Variants in DACH1 observed in about 807,000 individuals in gnomAD.
DACH1 encodes dachshund family transcription factor 1, also known as dachshund homolog 1.
A neutral mutation model predicts 54.2 loss-of-function variants in DACH1; 12 were observed. The observed-to-expected ratio is 0.22, with a 90% CI of 0.14 to 0.36. The LOEUF (loss-of-function observed/expected upper bound fraction) is 0.36, where lower values mean the gene tolerates loss of function less well. Among genes scored for constraint, DACH1 ranks in the 10% least tolerant of loss-of-function variants. The pLI is 1.00. For synonymous variants in DACH1, 386 were observed against 366.2 expected (o/e 1.05, Z -0.62); for missense variants, 805 against 929.8 (o/e 0.87, Z 1.75).
intron 1 of DACH1, among the ~76,000 whole-genome samples, chr13:71,720,021 T>C (rs1202651836): frequency 6.6e-6 from 1 of 152,182 alleles, no homozygotes; most frequent in Non-Finnish European, 1.5e-5. Flanking sequence ...AGACAACACA[T>C]AAATAGATGA....
At chr13:71,567,667 G>A (rs1404810825) in intron 4 of DACH1, among the ~76,000 whole-genome samples, 1 of 151,954 alleles carries the variant, frequency 6.6e-6, no homozygotes, top group Admixed American at 6.6e-5. Flanking sequence ...ACAACCTAAT[G>A]GGGTAGTGCT....
At chr13:71,801,770 T>C (rs1191221176) in intron 1 of DACH1, among the ~76,000 whole-genome samples, 1 of 151,950 alleles carries the variant, frequency 6.6e-6, no homozygotes, top group Non-Finnish European at 1.5e-5. Context: ...CGTGCCACCC[T>C]TCAGGGTAAG....
intron 2 of DACH1, among the ~76,000 whole-genome samples, chr13:71,661,641 A>C (rs578122041): frequency 6.6e-6 from 1 of 151,820 alleles, no homozygotes; most frequent in Non-Finnish European, 1.5e-5. Context: ...AATCTTCAAG[A>C]AAAAAAGATC....
chr13:71,522,588 T>C (rs1185516627), intron 6 of DACH1, among the ~76,000 whole-genome samples: 2 of 152,188 alleles, frequency 1.3e-5, no homozygotes, highest in South Asian at 2.1e-4. Context: ...TGATTTCTTA[T>C]AACTCACCAA....
chr13:71,769,893 A>T (rs1885784199), intron 1 of DACH1, among the ~76,000 whole-genome samples: 1 of 151,674 alleles, frequency 6.6e-6, no homozygotes, highest in South Asian at 2.1e-4. Flanking sequence ...AAGAGGCTAA[A>T]TTTTACTATC....
Position 71,823,847 on chromosome 13 carries a change from T to C in DACH1, c.848+42075A>G, listed in dbSNP as rs112212014. Among the ~76,000 whole-genome samples the C allele has an allele frequency of 6.9e-3, 1,051 of 152,120 alleles. 7 individuals carry two copies. The highest frequency in any genetic ancestry group is 0.022 in the African/African-American group (921 of 41,566). On this transcript the variant is annotated intron_variant, in intron 1 of 10. Transcript: ENST00000613252. ...GGCTATTTGTCTTGACGTTTTACTA[T>C]CTGCAAAAATAATGCATAATTATTG...
intron 1 of DACH1, among the ~76,000 whole-genome samples, chr13:71,790,814 A>G (rs1205042350): frequency 1.3e-5 from 2 of 152,206 alleles, no homozygotes; most frequent in East Asian, 3.8e-4. Flanking sequence ...GCTTTGAAGG[A>G]AAGATGAAAG....
intron 6 of DACH1, among the ~76,000 whole-genome samples, chr13:71,502,040 C>A (rs1469180323): frequency 6.6e-6 from 1 of 152,096 alleles, no homozygotes; most frequent in Non-Finnish European, 1.5e-5. Context: ...GAGTAACACA[C>A]AAATTTTTTA....
chr13:71,778,068 G>C (rs1353259711), intron 1 of DACH1, among the ~76,000 whole-genome samples: 1 of 150,710 alleles, frequency 6.6e-6, no homozygotes, highest in African/African-American at 2.4e-5. Context: ...CTCCAGCTTA[G>C]GCGACAGAGT....
At chr13:71,687,108 C>G (rs147672224) in intron 1 of DACH1, among the ~76,000 whole-genome samples, 1 of 152,114 alleles carries the variant, frequency 6.6e-6, no homozygotes, top group African/African-American at 2.4e-5. Flanking sequence ...TGGCCCTCTC[C>G]GATCTATTTA....
chr13:71,493,773 G>GCTT (rs1879184001), intron 6 of DACH1, among the ~76,000 whole-genome samples: 1 of 151,826 alleles, frequency 6.6e-6, no homozygotes, highest in Non-Finnish European at 1.5e-5. Context: ...ATTTAAGTGG[G>GCTT]CTTCTCACCT....
intron 10 of DACH1, among the ~76,000 whole-genome samples, chr13:71,473,145 T>G (rs1877230773): frequency 6.6e-6 from 1 of 152,202 alleles, no homozygotes; most frequent in Non-Finnish European, 1.5e-5. Flanking sequence ...ATATAATGAA[T>G]AGTTAGTATG....
At chr13:71,644,662 G>A (rs989548296) in intron 2 of DACH1, among the ~76,000 whole-genome samples, 4 of 152,210 alleles carry the variant, frequency 2.6e-5, no homozygotes, top group African/African-American at 9.6e-5. Context: ...GCTCTCAGCA[G>A]GGCACCCAAC....
At chr13:71,554,293 T>C (rs1034105556) in intron 6 of DACH1, among the ~76,000 whole-genome samples, 9 of 152,020 alleles carry the variant, frequency 5.9e-5, no homozygotes, top group Non-Finnish European at 1.0e-4. Flanking sequence ...AGTATCAAAA[T>C]CTATTAAAAT....
intron 1 of DACH1, among the ~76,000 whole-genome samples, chr13:71,752,283 C>T (rs1437923717): frequency 1.3e-5 from 2 of 152,050 alleles, no homozygotes; most frequent in African/African-American, 4.8e-5. Context: ...CATATATTTG[C>T]ATATTTAGTT....
chr13:71,494,581 T>G (rs1879253983), intron 6 of DACH1, among the ~76,000 whole-genome samples: 1 of 152,216 alleles, frequency 6.6e-6, no homozygotes, highest in Non-Finnish European at 1.5e-5. Flanking sequence ...TTATGATGGG[T>G]TTTATCAGGA....
At chr13:71,706,243 C>A (rs1035331979) in intron 1 of DACH1, among the ~76,000 whole-genome samples, 1 of 151,462 alleles carries the variant, frequency 6.6e-6, no homozygotes, top group Non-Finnish European at 1.5e-5. Context: ...GGGATAAAAA[C>A]ATATTATTAA....
intron 1 of DACH1, among the ~76,000 whole-genome samples, chr13:71,815,698 G>C (rs554421707): frequency 1.3e-5 from 2 of 152,264 alleles, no homozygotes; most frequent in Admixed American, 1.3e-4. Flanking sequence ...AAAATTTCAC[G>C]TGACAGGTAT....
intron 1 of DACH1, among the ~76,000 whole-genome samples, chr13:71,777,028 A>C (rs1383396172): frequency 6.6e-6 from 1 of 152,062 alleles, no homozygotes; most frequent in Non-Finnish European, 1.5e-5. Flanking sequence ...TCTTATCCCA[A>C]ATTATGCTAT....
Sources: allele counts gnomAD v4.1 joint callset (sites outside exome capture counted in the v4.1 genomes callset), GRCh38; gene constraint gnomAD v4.1.1; transcripts MANE v1.5; gene names NCBI Gene and HGNC (gene_info 2026-07-23, HGNC 2026-07-21).